WWP1: variants seen among roughly 807,000 people sequenced by gnomAD.
WWP1 encodes the protein WW domain containing E3 ubiquitin protein ligase 1.
Under a neutral mutation model 130.6 loss-of-function variants are expected in WWP1, and 49 were observed. The observed-to-expected ratio is 0.38, with a 90% CI of 0.30 to 0.48. The LOEUF is 0.48. WWP1 is among the 20% of genes least tolerant of loss of function. WWP1 has a pLI of 0.99. For synonymous variants in WWP1, 332 were observed against 367.8 expected, an observed-to-expected ratio of 0.90 and a Z score of 1.11; for missense variants, 809 against 1,100.6, an observed-to-expected ratio of 0.74 and a Z score of 3.75.
chr8:86,440,551 C>T, intron 17 of WWP1: 2 of 354,176 alleles, frequency 5.6e-6, no homozygotes, highest in Admixed American at 3.7e-5. Context: ...CCTTATTTTT[C>T]CTCTGGGTGC....
Position 86,342,779 on chromosome 8 carries a change from T to G in WWP1, c.-266T>G. 2.7e-6 allele frequency: 1 copy of G among 365,406 alleles called. No homozygotes were observed. Among genetic ancestry groups the G allele is most frequent in the East Asian group, 4.0e-5 (1 of 25,276 alleles). 22.6% of individuals were successfully genotyped at this position (365,406 alleles called of 1,614,324 possible). On this transcript the variant is annotated 5_prime_UTR_variant, in exon 1 of 25. Coordinates refer to ENST00000517970, the MANE Select transcript of WWP1 (RefSeq NM_007013.4). Reference sequence around the variant, plus strand: ...GGGTTCCGAGTGGCTGCTGGCGGCCTGGGCTGCCGGGGCCGACGCCTGGGT... The same window carrying G: ...GGGTTCCGAGTGGCTGCTGGCGGCCGGGGCTGCCGGGGCCGACGCCTGGGT...
chr8:86,457,457 A>G (rs887753681), intron 21 of WWP1, among the ~76,000 whole-genome samples: 1 of 151,800 alleles, frequency 6.6e-6, no homozygotes, highest in African/African-American at 2.4e-5. Context: ...CTATCTATCT[A>G]GATATAAATC....
At chr8:86,376,065 T>G (rs1468168645) in intron 3 of WWP1, among the ~76,000 whole-genome samples, 1 of 152,234 alleles carries the variant, frequency 6.6e-6, no homozygotes, top group Non-Finnish European at 1.5e-5. Context: ...TGGGCATCTA[T>G]TTTTGAAACA....
At chr8:86,391,845 C>T (rs1367663150) in intron 5 of WWP1, among the ~76,000 whole-genome samples, 2 of 152,092 alleles carry the variant, frequency 1.3e-5, no homozygotes, top group African/African-American at 4.8e-5. Flanking sequence ...AACAAAAGCC[C>T]TATCCTTCCC....
chr8:86,390,724 G>A (rs1302457553), intron 5 of WWP1, among the ~76,000 whole-genome samples: 3 of 150,590 alleles, frequency 2.0e-5, no homozygotes, highest in Admixed American at 6.6e-5. Flanking sequence ...GGGGGAGGGA[G>A]AGGGGGAGGG....
At chr8:86,424,296 G>A (rs1411631534) in intron 9 of WWP1, among the ~76,000 whole-genome samples, 10 of 151,546 alleles carry the variant, frequency 6.6e-5, no homozygotes, top group Non-Finnish European at 1.0e-4. Context: ...TGGCGGCCGG[G>A]AAGAGGCGCT....
At chr8:86,378,579 A>G (rs1404445736) in intron 3 of WWP1, among the ~76,000 whole-genome samples, 1 of 152,190 alleles carries the variant, frequency 6.6e-6, no homozygotes, top group Non-Finnish European at 1.5e-5. Flanking sequence ...AAAAAAATCT[A>G]TATATTCTAC....
intron 1 of WWP1, among the ~76,000 whole-genome samples, chr8:86,364,761 A>T (rs941891202): frequency 6.6e-5 from 10 of 151,440 alleles, no homozygotes; most frequent in Non-Finnish European, 1.2e-4. Flanking sequence ...AGCCATGATT[A>T]TGCCACTGCA....
intron 1 of WWP1, among the ~76,000 whole-genome samples, chr8:86,344,489 C>A (rs529855151): frequency 1.0e-3 from 154 of 152,238 alleles, no homozygotes; most frequent in Non-Finnish European, 1.6e-3. Context: ...TTGGGAAATA[C>A]AAAGATGAAC....
rs397943510 is a variant in WWP1 at position 86,410,719 on chromosome 8, T to TC, written c.725-818dup. Among the ~76,000 whole-genome samples the TC allele has an allele frequency of 6.9e-3, 1,050 of 151,490 alleles. 12 individuals are homozygous for TC. Among genetic ancestry groups the TC allele is most frequent in the African/African-American group, 0.024 (998 of 41,296 alleles). On this transcript the variant is annotated intron_variant, in intron 8 of 24. Transcript: ENST00000517970. ...CTTCTACTTACTTTTTTTTTTTTTT[T>TC]CTGTATCTGGAATGAATTCTAAGCT...
intron 11 of WWP1, among the ~76,000 whole-genome samples, chr8:86,430,167 C>G (rs1461972176): frequency 6.6e-6 from 1 of 152,084 alleles, no homozygotes; most frequent in Non-Finnish European, 1.5e-5. Flanking sequence ...CGCCACTGCA[C>G]CCCAGTCTGG....
intron 24 of WWP1, among the ~76,000 whole-genome samples, chr8:86,465,151 C>T (rs1446551497): frequency 6.6e-6 from 1 of 152,042 alleles, no homozygotes; most frequent in Non-Finnish European, 1.5e-5. Flanking sequence ...GCTAAGATTG[C>T]TAGGCAAAAT....
intron 18 of WWP1, among the ~76,000 whole-genome samples, chr8:86,445,044 C>T (rs752995914): frequency 4.6e-5 from 7 of 151,768 alleles, no homozygotes; most frequent in African/African-American, 9.7e-5. Context: ...GGGGAAGCAG[C>T]GTGTATGAAA....
At chr8:86,360,420 C>A (rs960444271) in intron 1 of WWP1, among the ~76,000 whole-genome samples, 1 of 152,110 alleles carries the variant, frequency 6.6e-6, no homozygotes, top group South Asian at 2.1e-4. Context: ...TTGAAGTTTT[C>A]TTTTGGTTTT....
intron 7 of WWP1, among the ~76,000 whole-genome samples, chr8:86,401,815 G>T (rs939049531): frequency 2.7e-4 from 41 of 151,950 alleles, no homozygotes; most frequent in African/African-American, 8.7e-4. Flanking sequence ...TATAAAACAT[G>T]TCATATCTTT....
chr8:86,419,856 T>C (rs376616921), intron 9 of WWP1, among the ~76,000 whole-genome samples: 1 of 152,192 alleles, frequency 6.6e-6, no homozygotes, highest in African/African-American at 2.4e-5. Flanking sequence ...GCAGGTTTCA[T>C]AATAATCAGA....
intron 1 of WWP1, among the ~76,000 whole-genome samples, chr8:86,363,537 C>A (rs1009603905): frequency 6.6e-6 from 1 of 151,970 alleles, no homozygotes; most frequent in African/African-American, 2.4e-5. Context: ...CATGGTGGCT[C>A]ACTCCTGTAA....
chr8:86,452,810 A>G (rs1811245487), intron 21 of WWP1, 131 bp downstream of exon 21: 2 of 1,158,608 alleles, frequency 1.7e-6, no homozygotes, highest in Admixed American at 2.4e-5. Context: ...ATTTGTCCTG[A>G]TGTCAAGGTG....
intron 17 of WWP1, chr8:86,440,560 G>A (rs1008183012): frequency 5.3e-6 from 2 of 380,248 alleles, no homozygotes; most frequent in Non-Finnish European, 1.0e-5. Flanking sequence ...TCCTCTGGGT[G>A]CCCACACAGT....
Sources: allele counts gnomAD v4.1 joint callset (sites outside exome capture counted in the v4.1 genomes callset), GRCh38; gene constraint gnomAD v4.1.1; transcripts MANE v1.5; gene names NCBI Gene and HGNC (gene_info 2026-07-23, HGNC 2026-07-21).